ZNRF3: variants seen among roughly 807,000 people sequenced by gnomAD.
ZNRF3 encodes E3 ubiquitin-protein ligase ZNRF3.
ZNRF3 carries 23 observed loss-of-function variants against 72.5 expected under a neutral mutation model. The ratio of observed to expected loss-of-function variants is 0.32; its 90% CI spans 0.23 to 0.45. The LOEUF is 0.45. ZNRF3 is among the 20% of genes least tolerant of loss of function. The pLI is 1.00. For missense variants in ZNRF3, 1,169 were observed against 1,272.1 expected (o/e 0.92, Z 1.23); for synonymous variants, 610 against 545.3 (o/e 1.12, Z -1.65).
At position 29,049,930 on chromosome 22, in the gene ZNRF3, C is replaced by T. The variant is rs1218214322; in HGVS notation, c.1749C>T (p.Cys583=). Residue 583 remains cysteine, a synonymous_variant, in exon 8 of 9, where the codon TGC becomes TGT. Transcript: ENST00000544604. This position sits in a 1 kb window ranked among gnomAD's most constrained non-coding sequence, Gnocchi z 5.2. ...EVSNQGVYGS[C]STFRSSLSSD... ...GCAACCAGGGCGTGTACGGGAGCTG[C>T]TCCACCTTCCGCAGCTCCCTCAGCA... 2 of 1,609,084 alleles carry T rather than the reference C, an allele frequency of 1.2e-6. No homozygotes were observed. The highest frequency in any genetic ancestry group is 2.2e-5 in the South Asian group (2 of 90,446).
At chr22:28,926,810 A>AC (rs1323326883) in intron 1 of ZNRF3, among the ~76,000 whole-genome samples, 3 of 151,466 alleles carry the variant, frequency 2.0e-5, no homozygotes, top group African/African-American at 7.3e-5. Flanking sequence ...AAAAAAAAAA[A>AC]AAAGAAAAGA....
chr22:28,973,658 C>G (rs933841348), intron 1 of ZNRF3, among the ~76,000 whole-genome samples: 2 of 152,146 alleles, frequency 1.3e-5, no homozygotes, highest in Non-Finnish European at 2.9e-5. Context: ...AGTGCTCGCT[C>G]TTAACACTGT....
Position 28,951,306 on chromosome 22 carries a change from C to T in ZNRF3, c.301-35770C>T, listed in dbSNP as rs955771490. 6.6e-5 allele frequency among the ~76,000 whole-genome samples: 10 copies of T among 152,206 alleles called. No homozygotes were observed. In the South Asian group the frequency reaches 8.3e-4, roughly 13 times the overall value. ...ACCTTTTTTGGAGATTGAGTCTTTA[C>T]GGAGGTAATCAAGTTCAATTAAGGT... On this transcript the variant is annotated intron_variant, in intron 1 of 8. Transcript: ENST00000544604.
rs771277805 is a variant in ZNRF3 at position 29,050,288 on chromosome 22, G to C, written c.2107G>C (p.Gly703Arg). 4 of 1,597,936 alleles carry C rather than the reference G, an allele frequency of 2.5e-6. No individual in the cohort carries two copies. Among genetic ancestry groups the C allele is most frequent in the South Asian group, 1.1e-5 (1 of 90,974 alleles). The change falls in exon 8 of 9, where the codon GGG (glycine) becomes CGG (arginine). Residue 703 changes from glycine (G) to arginine (R), a missense_variant. By Grantham distance (125) the Gly-to-Arg change is moderately radical. Coordinates refer to ENST00000544604, the MANE Select transcript of ZNRF3 (RefSeq NM_001206998.2). ...CCCTGACCTCAGGAGGACCTGGAAG[G>C]GGGGCCACGAGTTGCCGTCGTGTGC... ...AAPDLRRTWK[G>R]GHELPSCACC...
intron 2 of ZNRF3, among the ~76,000 whole-genome samples, chr22:29,040,766 C>T (rs904826933): frequency 2.6e-5 from 4 of 152,222 alleles, no homozygotes; most frequent in African/African-American, 9.6e-5. Flanking sequence ...TGCCAAGGAA[C>T]TTGCAGTATA....
In ZNRF3 at chr22:29,042,583, G is replaced by T; in HGVS notation, c.501+14G>T. The stretch of plus-strand genomic sequence containing the variant: ...GCTATTGATCAGGTAAGCTCCTCAG[G>T]CCATGCCAACACTGCAGCCTCCCTG... On this transcript the variant is annotated intron_variant, in intron 3 of 8. Transcript: ENST00000544604. 1 of 1,612,380 alleles carries T rather than the reference G, an allele frequency of 6.2e-7. No homozygotes were observed. Among genetic ancestry groups the T allele is most frequent in the Non-Finnish European group, 8.5e-7 (1 of 1,179,704 alleles).
chr22:28,908,966 G>A (rs959089040), intron 1 of ZNRF3, among the ~76,000 whole-genome samples: 1 of 152,058 alleles, frequency 6.6e-6, no homozygotes, highest in South Asian at 2.1e-4. Context: ...GCACGATCTC[G>A]ACTCACTGCA....
intron 1 of ZNRF3, among the ~76,000 whole-genome samples, chr22:28,887,233 A>AGT (rs1460152534): frequency 3.8e-4 from 28 of 72,884 alleles, no homozygotes; most frequent in African/African-American, 2.1e-3. Context: ...AGAGAGAGAG[A>AGT]GAGTGTGTGT....
At chr22:29,035,771 G>GA (rs1487722355) in intron 2 of ZNRF3, among the ~76,000 whole-genome samples, 2 of 151,934 alleles carry the variant, frequency 1.3e-5, no homozygotes, top group Non-Finnish European at 2.9e-5. Context: ...TTAGAGGTGG[G>GA]ATTTCACCGT....
intron 1 of ZNRF3, among the ~76,000 whole-genome samples, chr22:28,933,748 ACT>A (rs1325105629): frequency 0.015 from 84 of 5,740 alleles, no homozygotes; most frequent in African/African-American, 0.024. Context: ...ACACACACAC[ACT>A]CACTCTCTCT....
At chr22:28,903,251 C>T (rs1312396577) in intron 1 of ZNRF3, among the ~76,000 whole-genome samples, 2 of 152,196 alleles carry the variant, frequency 1.3e-5, no homozygotes, top group East Asian at 1.9e-4. Context: ...GACACACACA[C>T]GCACAGCTGG....
At chr22:28,967,359 A>AT (rs1270975561) in intron 1 of ZNRF3, among the ~76,000 whole-genome samples, 1 of 152,188 alleles carries the variant, frequency 6.6e-6, no homozygotes, top group African/African-American at 2.4e-5. Context: ...ACGCTATTGC[A>AT]TCCAGGTTTG....
At chr22:29,007,706 TTTTTC>T (rs377064707) in intron 2 of ZNRF3, among the ~76,000 whole-genome samples, 125 of 151,114 alleles carry the variant, frequency 8.3e-4, no homozygotes, top group African/African-American at 2.8e-3. Context: ...ATAGCTCCCC[TTTTTC>T]TTTTATCAGT....
intron 1 of ZNRF3, among the ~76,000 whole-genome samples, chr22:28,939,055 C>G (rs2034892541): frequency 6.6e-6 from 1 of 152,184 alleles, no homozygotes; most frequent in South Asian, 2.1e-4. Flanking sequence ...GAGGCCAAGG[C>G]TAGCAGATCG....
At chr22:28,927,355 A>C (rs1428109249) in intron 1 of ZNRF3, among the ~76,000 whole-genome samples, 1 of 152,188 alleles carries the variant, frequency 6.6e-6, no homozygotes, top group Non-Finnish European at 1.5e-5. Context: ...GGAGATTGAG[A>C]CCATCCTGGC....
At chr22:28,969,972 C>G (rs2035540507) in intron 1 of ZNRF3, among the ~76,000 whole-genome samples, 1 of 152,000 alleles carries the variant, frequency 6.6e-6, no homozygotes, top group Non-Finnish European at 1.5e-5. Context: ...AGAAAGGAAG[C>G]AAGGATGACT....
intron 1 of ZNRF3, among the ~76,000 whole-genome samples, chr22:28,949,269 C>T (rs2035110773): frequency 6.6e-6 from 1 of 151,456 alleles, no homozygotes; most frequent in Admixed American, 6.6e-5. Context: ...TGAGCCACAG[C>T]ACCCAGCCTA....
chr22:28,931,800 A>G (rs1440787219), intron 1 of ZNRF3, among the ~76,000 whole-genome samples: 1 of 152,230 alleles, frequency 6.6e-6, no homozygotes, highest in African/African-American at 2.4e-5. Context: ...TTGTCACCCT[A>G]GAATCAGGAG....
intron 1 of ZNRF3, among the ~76,000 whole-genome samples, chr22:28,953,107 C>A (rs567254587): frequency 6.6e-6 from 1 of 152,260 alleles, no homozygotes; most frequent in Non-Finnish European, 1.5e-5. Flanking sequence ...ACTGCAGGGG[C>A]CCCATTCATC....
Sources: gnomAD v4.1 joint callset for allele counts (sites outside exome capture counted in the v4.1 genomes callset) on GRCh38, gnomAD v4.1.1 for gene constraint, Gnocchi (gnomAD v3.1) non-coding constraint, MANE v1.5 for transcripts, NCBI Gene and HGNC (gene_info 2026-07-23, HGNC 2026-07-21) for gene names.